Variants in PMFBP1 observed in about 807,000 individuals in gnomAD.
PMFBP1 encodes polyamine-modulated factor 1-binding protein 1.
Under a neutral mutation model 137.8 loss-of-function variants are expected in PMFBP1, and 131 were observed. The observed-to-expected ratio is 0.95, with a 90% CI of 0.82 to 1.10. PMFBP1 has a LOEUF of 1.10. Ranked by LOEUF, PMFBP1 falls within the 50% of genes least tolerant of loss-of-function variation. PMFBP1 has a pLI of 0.00. For missense variants in PMFBP1, 1,199 were observed against 1,175.4 expected (o/e 1.02, Z -0.29); for synonymous variants, 490 against 450.4 (o/e 1.09, Z -1.11).
the PMFBP1 span, among the ~76,000 whole-genome samples, chr16:72,232,464 T>G: frequency 2.0e-5 from 3 of 152,130 alleles, no homozygotes; most frequent in Non-Finnish European, 2.9e-5. Context: ...GAAATGTTGG[T>G]AAAGCAGGGA....
chr16:72,130,407 G>C (rs753349122), intron 11 of PMFBP1, 50 bp from the exon 12 acceptor site: 1 of 1,612,420 alleles, frequency 6.2e-7, no homozygotes, highest in Non-Finnish European at 8.5e-7. Flanking sequence ...GCCCATGTGG[G>C]CAGATTGTGG....
At chr16:72,239,528 C>T in the PMFBP1 span, among the ~76,000 whole-genome samples, 1 of 152,042 alleles carries the variant, frequency 6.6e-6, no homozygotes, top group African/African-American at 2.4e-5. Flanking sequence ...AGGAAAAGTA[C>T]AGCTACTGAG....
chr16:72,128,475 C>T (rs2144266632), intron 14 of PMFBP1, 182 bp downstream of exon 14: 2 of 1,535,382 alleles, frequency 1.3e-6, no homozygotes, highest in East Asian at 2.5e-5. Flanking sequence ...ATGGAAGAAA[C>T]ATTTCTCTGG....
chr16:72,208,534 T>C, the PMFBP1 span, among the ~76,000 whole-genome samples: 1 of 152,258 alleles, frequency 6.6e-6, no homozygotes, highest in African/African-American at 2.4e-5. Context: ...TAAAGTAGTT[T>C]GCATTTTTGG....
intron 3 of PMFBP1, among the ~76,000 whole-genome samples, chr16:72,157,567 C>A (rs1438162370): frequency 6.6e-6 from 1 of 152,042 alleles, no homozygotes; most frequent in Non-Finnish European, 1.5e-5. Flanking sequence ...AGGGGGAAAG[C>A]TGTGCCTGAT....
chr16:72,197,714 G>T, the PMFBP1 span, among the ~76,000 whole-genome samples: 8 of 152,188 alleles, frequency 5.3e-5, no homozygotes, highest in African/African-American at 1.9e-4. Context: ...AGGAGAGAGT[G>T]CAGCTCTTTC....
intron 20 of PMFBP1, chr16:72,119,618 G>A (rs2042346041): frequency 1.4e-6 from 2 of 1,443,834 alleles, no homozygotes; most frequent in South Asian, 1.5e-5. Context: ...CAGGGGAGGG[G>A]GCAGGTCTGA....
chr16:72,160,544 G>C (rs980051258), intron 3 of PMFBP1, among the ~76,000 whole-genome samples: 2 of 151,884 alleles, frequency 1.3e-5, no homozygotes, highest in African/African-American at 4.8e-5. Context: ...GCGCTGACTA[G>C]GTTGGCATTG....
At chr16:72,129,034 T>G (rs754896144) in intron 13 of PMFBP1, 32 bp downstream of exon 13, 1 of 1,607,512 alleles carries the variant, frequency 6.2e-7, no homozygotes, top group Non-Finnish European at 8.5e-7. Flanking sequence ...TCTGGATTCC[T>G]GACCCAGCTC....
the PMFBP1 span, among the ~76,000 whole-genome samples, chr16:72,189,547 C>A: frequency 6.6e-6 from 1 of 152,114 alleles, no homozygotes; most frequent in African/African-American, 2.4e-5. Context: ...AGAGGAGGGG[C>A]CTCTCCAAAG....
intron 12 of PMFBP1, among the ~76,000 whole-genome samples, chr16:72,129,483 C>A (rs548702865): frequency 2.6e-5 from 4 of 152,188 alleles, no homozygotes; most frequent in South Asian, 4.2e-4. Flanking sequence ...ACTTTCTTAC[C>A]AATTCTTCCC....
At chr16:72,125,931 T>G (rs372610758) in intron 15 of PMFBP1, 37 bp downstream of exon 15, 10 of 1,601,356 alleles carry the variant, frequency 6.2e-6, no homozygotes, top group Middle Eastern at 1.7e-4. Context: ...TTTCCTTGCC[T>G]GAAAACAGCC....
At chr16:72,209,477 A>G in the PMFBP1 span, among the ~76,000 whole-genome samples, 1 of 151,522 alleles carries the variant, frequency 6.6e-6, no homozygotes, top group Admixed American at 6.6e-5. Flanking sequence ...TATATATGAT[A>G]TTATCTGTAT....
At chr16:72,186,492 G>A in the PMFBP1 span, among the ~76,000 whole-genome samples, 1 of 152,124 alleles carries the variant, frequency 6.6e-6, no homozygotes, top group Non-Finnish European at 1.5e-5. Flanking sequence ...GGGAAGAGCT[G>A]TAGATGCGAG....
At chr16:72,238,170 A>G in the PMFBP1 span, among the ~76,000 whole-genome samples, 3 of 152,376 alleles carry the variant, frequency 2.0e-5, no homozygotes, top group East Asian at 5.8e-4. Flanking sequence ...TATACCCAGT[A>G]ATGGGATTGC....
chr16:72,172,960 A>G (rs1164171714), upstream of PMFBP1, among the ~76,000 whole-genome samples: 1 of 152,226 alleles, frequency 6.6e-6, no homozygotes, highest in Non-Finnish European at 1.5e-5. Flanking sequence ...GAAGAGCAGT[A>G]ACACGAGGTA....
chr16:72,130,595 CTG>C lies in PMFBP1; in HGVS notation c.1573_1574del (p.Gln525GlufsTer14). On this transcript the variant is annotated frameshift_variant, in exon 11 of 21. Transcript: ENST00000237353. LOFTEE classifies it high-confidence loss of function. ...KQKADTIQEL[Q>X]RELQMLQKES... ...CCTTCTGCAGCATCTGAAGTTCTCT[CTG>C]TAGTTCCTGGATGGTGTCTGCCTTC... 6.2e-7 allele frequency: 1 copy of C among 1,614,020 alleles called. No individual in the cohort carries two copies. Among genetic ancestry groups the C allele is most frequent in the South Asian group, 1.1e-5 (1 of 91,058 alleles).
the PMFBP1 span, among the ~76,000 whole-genome samples, chr16:72,211,267 C>A: frequency 6.6e-6 from 1 of 152,160 alleles, no homozygotes; most frequent in African/African-American, 2.4e-5. Flanking sequence ...GAACAGTTGG[C>A]CTTCCTCCCA....
chr16:72,228,524 C>G, the PMFBP1 span, among the ~76,000 whole-genome samples: 1 of 152,158 alleles, frequency 6.6e-6, no homozygotes, highest in South Asian at 2.1e-4. Flanking sequence ...GTCAAGTTCT[C>G]CATCACTGTG....
Sources: allele counts gnomAD v4.1 joint callset (sites outside exome capture counted in the v4.1 genomes callset), GRCh38; gene constraint gnomAD v4.1.1; transcripts MANE v1.5; gene names NCBI Gene and HGNC (gene_info 2026-07-23, HGNC 2026-07-21).